Variants in CEP89 observed in about 807,000 individuals in gnomAD.
CEP89 encodes the protein centrosomal protein 89, also known as centrosomal protein of 89 kDa.
Under a neutral mutation model 97.6 loss-of-function variants are expected in CEP89, and 95 were observed. That is an observed-to-expected ratio of 0.97 (90% confidence interval 0.82 to 1.15). The LOEUF is 1.15. Among genes scored for constraint, CEP89 ranks in the 50% most tolerant of loss-of-function variants. The pLI is 0.00. For synonymous variants in CEP89, 354 were observed against 349.1 expected, an observed-to-expected ratio of 1.01 and a Z score of -0.16; for missense variants, 869 against 947.7, an observed-to-expected ratio of 0.92 and a Z score of 1.09.
chr19:32,945,626 C>T (rs926436831), intron 5 of CEP89, among the ~76,000 whole-genome samples: 8 of 152,142 alleles, frequency 5.3e-5, no homozygotes, highest in African/African-American at 1.9e-4. Flanking sequence ...CTTTCTGATT[C>T]CAGCTTCCTC....
intron 16 of CEP89, among the ~76,000 whole-genome samples, chr19:32,894,036 A>T (rs73049196): frequency 0.25 from 37,566 of 152,130 alleles, 5,519 homozygotes; most frequent in Non-Finnish European, 0.35. Context: ...AAAAACAAAG[A>T]TCAGAGCAGA....
rs200077530 is a variant in CEP89, at chr19:32,944,236, AAG to A, written c.595+4028_595+4029del. 3.9e-3 allele frequency among the ~76,000 whole-genome samples: 487 copies of A among 123,984 alleles called. 6 individuals are homozygous for A. The highest frequency in any genetic ancestry group is 0.011 in the African/African-American group (380 of 35,064). The allele number at this position is 123,984 out of a possible 152,430, so 81.3% of individuals were successfully genotyped here. Reference sequence around the variant, plus strand: ...GAGACCCTGTAAAAAAAAAAAAAAAAAGACTCTTCTTCTGACTGAGGGGATGA... The same window carrying A: ...GAGACCCTGTAAAAAAAAAAAAAAAAACTCTTCTTCTGACTGAGGGGATGA... On this transcript the variant is annotated intron_variant, in intron 5 of 18. Transcript: ENST00000305768.
intron 5 of CEP89, among the ~76,000 whole-genome samples, chr19:32,943,491 G>A (rs1330364345): frequency 2.0e-5 from 3 of 152,132 alleles, no homozygotes; most frequent in African/African-American, 7.2e-5. Flanking sequence ...AGGATGTAGT[G>A]GCTCATGCCT....
intron 15 of CEP89, among the ~76,000 whole-genome samples, chr19:32,900,466 G>A (rs1969742938): frequency 6.6e-6 from 1 of 152,072 alleles, no homozygotes; most frequent in South Asian, 2.1e-4. Flanking sequence ...GCTTCTCTAT[G>A]TTGGCCAGGC....
At chr19:32,957,307 T>C (rs981997432) in intron 3 of CEP89, among the ~76,000 whole-genome samples, 5 of 152,214 alleles carry the variant, frequency 3.3e-5, no homozygotes, top group Non-Finnish European at 7.3e-5. Context: ...AAGGTAGGTT[T>C]ACCTAGGTTG....
Position 32,956,539 on chromosome 19 carries a change from A to AT in CEP89, c.306-2739dup, listed in dbSNP as rs1971053321. 3.3e-5 allele frequency among the ~76,000 whole-genome samples: 5 copies of AT among 151,214 alleles called. No homozygotes were observed. In the South Asian group the frequency reaches 6.3e-4, roughly 19 times the overall value. Reference sequence around the variant, plus strand: ...AACACCATGCCAGGATGATTTTTGTATTTTTTTGTAGAGATGGGGGTCTCA... The same window carrying AT: ...AACACCATGCCAGGATGATTTTTGTATTTTTTTTGTAGAGATGGGGGTCTCA... On this transcript the variant is annotated intron_variant, in intron 3 of 18. Transcript: ENST00000305768.
intron 16 of CEP89, among the ~76,000 whole-genome samples, chr19:32,895,248 C>T (rs574184091): frequency 1.3e-5 from 2 of 152,160 alleles, no homozygotes; most frequent in South Asian, 4.2e-4. Flanking sequence ...AAACCAAATT[C>T]AACAGTACAT....
chr19:32,900,137 G>A, intron 15 of CEP89, 139 bp from the exon 16 acceptor site: 1 of 760,884 alleles, frequency 1.3e-6, no homozygotes, highest in Non-Finnish European at 2.1e-6. Context: ...CTTCTATTAA[G>A]TTTCAAGGTG....
intron 17 of CEP89, among the ~76,000 whole-genome samples, chr19:32,882,480 T>C (rs1969305073): frequency 6.6e-6 from 1 of 151,620 alleles, no homozygotes; most frequent in Admixed American, 6.6e-5. Context: ...GGAGGATAAC[T>C]TGAACCTAGG....
chr19:32,902,637 C>T (rs1266591305), intron 14 of CEP89, among the ~76,000 whole-genome samples: 1 of 152,206 alleles, frequency 6.6e-6, no homozygotes, highest in African/African-American at 2.4e-5. Context: ...CAACTGCTCC[C>T]TCCACCTTCT....
intron 12 of CEP89, among the ~76,000 whole-genome samples, chr19:32,921,534 C>A (rs187188416): frequency 2.6e-5 from 4 of 152,198 alleles, no homozygotes; most frequent in Non-Finnish European, 4.4e-5. Context: ...GGGAACACTG[C>A]GGGGCTGTGG....
intron 1 of CEP89, chr19:32,970,000 A>ACTGCCATCAGCTG (rs1391852912): frequency 1.3e-5 from 2 of 152,342 alleles, no homozygotes; most frequent in African/African-American, 4.8e-5. Flanking sequence ...GGCAGCAGCC[A>ACTGCCATCAGCTG]CTGCCATCAC....
At chr19:32,882,084 G>T in intron 17 of CEP89, 71 bp from the exon 18 acceptor site, 1 of 1,335,150 alleles carries the variant, frequency 7.5e-7, no homozygotes, top group Non-Finnish European at 1.0e-6. Flanking sequence ...TCCTGGCTGT[G>T]CTCCCTACCC....
At chr19:32,916,103 C>G (rs1970121886) in intron 13 of CEP89, among the ~76,000 whole-genome samples, 1 of 151,424 alleles carries the variant, frequency 6.6e-6, no homozygotes, top group African/African-American at 2.4e-5. Flanking sequence ...ATAGTGAGAC[C>G]CCATCTCTAC....
chr19:32,915,312 A>G (rs765555887), intron 14 of CEP89, 25 bp downstream of exon 14: 2 of 1,561,812 alleles, frequency 1.3e-6, no homozygotes, highest in East Asian at 4.5e-5. Context: ...AAAAAAAAAA[A>G]AAAGAAAAAA....
At chr19:32,901,004 GC>G (rs771763599) in intron 15 of CEP89, among the ~76,000 whole-genome samples, 6 of 151,316 alleles carry the variant, frequency 4.0e-5, no homozygotes, top group Non-Finnish European at 7.4e-5. Flanking sequence ...TCCTGCCTCA[GC>G]CTCCCGAGTA....
intron 9 of CEP89, 43 bp from the exon 10 acceptor site, chr19:32,927,027 C>G (rs778249949): frequency 6.5e-7 from 1 of 1,530,800 alleles, no homozygotes; most frequent in African/African-American, 1.4e-5. Context: ...AACCACACTT[C>G]CTCTGAATTT....
At chr19:32,910,288 AGC>A (rs1491028680) in intron 14 of CEP89, among the ~76,000 whole-genome samples, 5 of 138,244 alleles carry the variant, frequency 3.6e-5, no homozygotes, top group Non-Finnish European at 6.4e-5. Flanking sequence ...AGAGAGAGAG[AGC>A]GAGAGAGAGA....
intron 1 of CEP89, 93 bp from the exon 2 acceptor site, chr19:32,966,559 C>G: frequency 1.7e-6 from 1 of 600,364 alleles, no homozygotes; most frequent in Non-Finnish European, 2.6e-6. Flanking sequence ...AAGGGGACAC[C>G]TGCACTGGCC....
Sources: allele counts gnomAD v4.1 joint callset (sites outside exome capture counted in the v4.1 genomes callset), GRCh38; gene constraint gnomAD v4.1.1; transcripts MANE v1.5; gene names NCBI Gene and HGNC (gene_info 2026-07-23, HGNC 2026-07-21).